Variants in PNPLA8 observed in about 807,000 individuals in gnomAD.
PNPLA8 encodes patatin like domain 8, phospholipase A2, also known as calcium-independent phospholipase A2-gamma.
Under a neutral mutation model 76.9 loss-of-function variants are expected in PNPLA8, and 39 were observed. The ratio of observed to expected loss-of-function variants is 0.51; its 90% confidence interval spans 0.39 to 0.66. The LOEUF is 0.66. Ranked by LOEUF, PNPLA8 falls within the 30% of genes least tolerant of loss-of-function variation. PNPLA8 has a pLI of 0.00. For missense variants in PNPLA8, 887 were observed against 918.0 expected (o/e 0.97, Z 0.44); for synonymous variants, 301 against 307.9 (o/e 0.98, Z 0.24).
In PNPLA8 at chr7:108,522,530, T is replaced by A. The variant is rs2154517224; in HGVS notation, c.-129-1009A>T. Among the ~76,000 whole-genome samples, 4 of 152,220 alleles carry A rather than the reference T, an allele frequency of 2.6e-5. No individual in the cohort carries two copies. The Middle Eastern group carries it at 0.014, about 518-fold the overall frequency. ...GTCCTGCCCTTCCAAATCAAACCAA[T>A]GTGACTGATTGATGCATTATGTCTC... On this transcript the variant is annotated intron_variant, in intron 1 of 10. Transcript: ENST00000257694.
At chr7:108,494,283 G>A (rs1370127851) in intron 7 of PNPLA8, among the ~76,000 whole-genome samples, 1 of 152,052 alleles carries the variant, frequency 6.6e-6, no homozygotes, top group Non-Finnish European at 1.5e-5. Flanking sequence ...GTGTGACACT[G>A]AGGCTTGGGG....
chr7:108,487,033 T>C lies in PNPLA8; in HGVS notation c.1878+726A>G, dbSNP rs1452656049. Among the ~76,000 whole-genome samples, 9 of 152,316 alleles carry C rather than the reference T, an allele frequency of 5.9e-5. No individual in the cohort carries two copies. The East Asian group carries it at 1.5e-3, about 26-fold the overall frequency. The stretch of plus-strand genomic sequence containing the variant: ...AGCTTTATTAGCATTTAGTGTAAGT[T>C]ATGAATTAAGATTTCCATAAAGAGT... On this transcript the variant is annotated intron_variant, in intron 9 of 10. Coordinates refer to ENST00000257694, the MANE Select transcript of PNPLA8 (RefSeq NM_001256007.3).
intron 9 of PNPLA8, among the ~76,000 whole-genome samples, chr7:108,483,060 T>C (rs928798653): frequency 2.6e-5 from 4 of 152,206 alleles, no homozygotes; most frequent in African/African-American, 9.6e-5. Flanking sequence ...AAACCACAGA[T>C]TATGATAACT....
intron 7 of PNPLA8, chr7:108,496,337 T>TA (rs1026484631): frequency 2.2e-5 from 7 of 320,200 alleles, no homozygotes; most frequent in African/African-American, 1.1e-4. Context: ...CTCATATTTT[T>TA]AAAAAAGGCA....
chr7:108,472,473 C>T lies in PNPLA8; in HGVS notation c.2277G>A (p.Leu759=). 1 of 1,600,242 alleles carries T rather than the reference C, an allele frequency of 6.2e-7. No individual in the cohort carries two copies. The highest frequency in any genetic ancestry group is 8.5e-7 in the Non-Finnish European group (1 of 1,172,094). Residue 759 remains leucine, a synonymous_variant, in exon 11 of 11, where the codon CTG becomes CTA. Transcript: ENST00000257694. ...AKILSQEKTT[L]QKINDWIKLK... is the part of the protein sequence containing the mutation. ...ATTTTATCCAATCATTAATTTTCTG[C>T]AGAGTTGTTTTTTCTTGACTTAATA...
intron 10 of PNPLA8, among the ~76,000 whole-genome samples, chr7:108,478,101 C>G (rs1358045514): frequency 6.6e-6 from 1 of 151,910 alleles, no homozygotes; most frequent in Non-Finnish European, 1.5e-5. Flanking sequence ...GAAAAAGAAG[C>G]AGACTGAGAA....
intron 6 of PNPLA8, 109 bp from the exon 7 acceptor site, chr7:108,496,864 C>G (rs1225531685): frequency 2.5e-6 from 2 of 792,062 alleles, no homozygotes; most frequent in Non-Finnish European, 3.9e-6. Context: ...TACTTTCTAG[C>G]TATGTCACCT....
rs1303369979 is a variant in PNPLA8, at chr7:108,515,173, T to C, written c.319A>G (p.Thr107Ala). Residue 107 changes from threonine to alanine, a missense_variant, in exon 3 of 11, where the codon ACT becomes GCT. Thr to Ala is a moderately conservative substitution (Grantham distance 58). Coordinates refer to ENST00000257694, the MANE Select transcript of PNPLA8 (RefSeq NM_001256007.3). ...ACAGCCTTTGAAACAGAGTTCAAAG[T>C]ACTTTTAATACGGGACATACAAATG... Reference protein sequence around the residue: ...VNICMSRIKSTLNSVSKAVFG... With the variant: ...VNICMSRIKSALNSVSKAVFG... 3 of 1,606,914 alleles carry C rather than the reference T, an allele frequency of 1.9e-6. No individual in the cohort carries two copies. The highest frequency in any genetic ancestry group is 1.7e-5 in the Admixed American group (1 of 59,132).
intron 6 of PNPLA8, 84 bp downstream of exon 6, chr7:108,497,399 G>C: frequency 2.2e-6 from 2 of 909,194 alleles, no homozygotes; most frequent in Non-Finnish European, 3.4e-6. Context: ...GAAGGCAAAG[G>C]ACTATGATCT....
At chr7:108,473,482 A>G (rs559643270) in intron 10 of PNPLA8, among the ~76,000 whole-genome samples, 1 of 152,314 alleles carries the variant, frequency 6.6e-6, no homozygotes, top group East Asian at 1.9e-4. Context: ...TTTTAAAAAA[A>G]ACCTGCCACA....
At chr7:108,499,243 T>C (rs1339350389) in intron 5 of PNPLA8, among the ~76,000 whole-genome samples, 1 of 152,174 alleles carries the variant, frequency 6.6e-6, no homozygotes, top group Non-Finnish European at 1.5e-5. Flanking sequence ...AGTTGTGAGC[T>C]ATGGTTTTGG....
At chr7:108,518,719 GAATATA>G (rs1438856266) in intron 2 of PNPLA8, among the ~76,000 whole-genome samples, 3 of 39,166 alleles carry the variant, frequency 7.7e-5, no homozygotes, top group African/African-American at 3.4e-4. Flanking sequence ...ATATGCACAT[GAATATA>G]TATATATATA....
intron 1 of PNPLA8, among the ~76,000 whole-genome samples, chr7:108,523,432 C>A (rs1863880755): frequency 6.6e-6 from 1 of 151,632 alleles, no homozygotes; most frequent in Non-Finnish European, 1.5e-5. Flanking sequence ...TACCAGGATT[C>A]TTTCCCAGAA....
At chr7:108,489,294 A>G (rs1418490250) in intron 8 of PNPLA8, among the ~76,000 whole-genome samples, 1 of 152,238 alleles carries the variant, frequency 6.6e-6, no homozygotes, top group African/African-American at 2.4e-5. Context: ...CGTCTGATCT[A>G]ATCGGCCTAC....
At chr7:108,487,311 C>T (rs1860805244) in intron 9 of PNPLA8, among the ~76,000 whole-genome samples, 1 of 152,142 alleles carries the variant, frequency 6.6e-6, no homozygotes, top group Non-Finnish European at 1.5e-5. Flanking sequence ...ATAATGCATG[C>T]ACAGCACTAA....
chr7:108,502,618 G>A lies in PNPLA8; in HGVS notation c.1231C>T (p.Arg411Ter), dbSNP rs1231226796. The A allele has an allele frequency of 7.5e-6, 12 of 1,609,920 alleles. No homozygotes were observed. Among genetic ancestry groups the A allele is most frequent in the Middle Eastern group, 1.6e-4 (1 of 6,074 alleles). Reference sequence around the variant, plus strand: ...GTTTCATCCTTAATTTGTCTCAGTCGTAATAAATATGGAATAATTCTTTCC... The same window carrying A: ...GTTTCATCCTTAATTTGTCTCAGTCATAATAAATATGGAATAATTCTTTCC... Reference protein sequence around the residue: ...VKERIIPYLLRLRQIKDETLQ... With the variant: ...VKERIIPYLL Residue 411 changes from arginine to a stop codon, truncating the protein, a stop_gained, in exon 5 of 11, where the codon CGA (arginine) becomes TGA (stop). Coordinates refer to ENST00000257694, the MANE Select transcript of PNPLA8 (RefSeq NM_001256007.3). LOFTEE classifies it high-confidence loss of function.
chr7:108,493,440 C>T (rs895280786), intron 7 of PNPLA8, among the ~76,000 whole-genome samples: 11 of 151,838 alleles, frequency 7.2e-5, no homozygotes, highest in East Asian at 3.8e-4. Context: ...GACGGAGTCT[C>T]GCTCTGTCGC....
At chr7:108,493,568 C>CTTTTTTTTTTTT (rs34935118) in intron 7 of PNPLA8, among the ~76,000 whole-genome samples, 813 of 81,226 alleles carry the variant, frequency 0.01, 2 homozygotes, top group Middle Eastern at 0.022. Context: ...CCATGCCTGG[C>CTTTTTTTTTTTT]TTTTTTTTTT....
chr7:108,515,829 T>C (rs1863300092), intron 2 of PNPLA8, among the ~76,000 whole-genome samples: 1 of 152,348 alleles, frequency 6.6e-6, no homozygotes, highest in African/African-American at 2.4e-5. Context: ...AGTTTCCCAA[T>C]AGATAAGTCT....
Sources: allele counts gnomAD v4.1 joint callset (sites outside exome capture counted in the v4.1 genomes callset), GRCh38; gene constraint gnomAD v4.1.1; transcripts MANE v1.5; gene names NCBI Gene and HGNC (gene_info 2026-07-23, HGNC 2026-07-21).